MALRD1: variants seen among roughly 807,000 people sequenced by gnomAD.
MALRD1 encodes the protein MAM and LDL receptor class A domain containing 1.
In MALRD1, 247 loss-of-function variants were observed where a neutral mutation model predicts 242.1. The observed-to-expected ratio is 1.02, with a 90% CI of 0.92 to 1.13. MALRD1 has a LOEUF of 1.13. Ranked by LOEUF, MALRD1 falls within the 50% of genes most tolerant of loss-of-function variation. The pLI, the probability that MALRD1 is intolerant of heterozygous loss-of-function variation, is 0.00. For missense variants in MALRD1, 2,989 were observed against 2,533.1 expected (o/e 1.18, Z -3.86); for synonymous variants, 995 against 866.6 (o/e 1.15, Z -2.60).
chr10:19,110,728 C>T (rs1308418559), intron 5 of MALRD1, among the ~76,000 whole-genome samples: 2 of 152,116 alleles, frequency 1.3e-5, no homozygotes, highest in East Asian at 1.9e-4. Context: ...TTTAATGAGA[C>T]ATCTGGTTCT....
At chr10:19,172,356 A>G (rs1376792004) in intron 13 of MALRD1, among the ~76,000 whole-genome samples, 3 of 151,712 alleles carry the variant, frequency 2.0e-5, no homozygotes, top group African/African-American at 7.2e-5. Flanking sequence ...TAAAATTCGT[A>G]TGATTTTAAT....
At chr10:19,076,728 A>C (rs1485304086) in intron 2 of MALRD1, among the ~76,000 whole-genome samples, 2 of 151,454 alleles carry the variant, frequency 1.3e-5, no homozygotes, top group Non-Finnish European at 2.9e-5. Context: ...GGGAAGAGTA[A>C]GTCTTATAAT....
In MALRD1 at chr10:19,342,131, C is replaced by T. The variant is rs80201689; in HGVS notation, c.3902-5640C>T. Among the ~76,000 whole-genome samples the T allele has an allele frequency of 7.0e-3, 1,061 of 152,164 alleles. 40 individuals carry two copies. The East Asian group carries it at 0.1, about 15-fold the overall frequency. ...TATTTATTTATTATAGTAAGGTCGA[C>T]GTTCCATCTGAAACTTTTTATCATT... On this transcript the variant is annotated intron_variant, in intron 24 of 39. Coordinates refer to ENST00000454679, the MANE Select transcript of MALRD1 (RefSeq NM_001142308.3).
chr10:19,680,601 CTG>C (rs1399911945), intron 36 of MALRD1, among the ~76,000 whole-genome samples: 1 of 152,078 alleles, frequency 6.6e-6, no homozygotes, highest in African/African-American at 2.4e-5. Flanking sequence ...TCTTGCCATT[CTG>C]TGTCTTTTAA....
At chr10:19,689,730 G>A (rs1038574598) in intron 36 of MALRD1, among the ~76,000 whole-genome samples, 1 of 152,004 alleles carries the variant, frequency 6.6e-6, no homozygotes, top group South Asian at 2.1e-4. Flanking sequence ...CATGTTCCTG[G>A]TATGTCATTA....
intron 18 of MALRD1, among the ~76,000 whole-genome samples, chr10:19,242,249 G>T (rs1280012827): frequency 6.6e-6 from 1 of 152,144 alleles, no homozygotes. Flanking sequence ...AAAACCATCA[G>T]ATCTTGTTAG....
chr10:19,708,810 C>T lies in MALRD1; in HGVS notation c.6314+16256C>T, dbSNP rs1352328101. 5.0e-5 allele frequency among the ~76,000 whole-genome samples: 6 copies of T among 121,038 alleles called. 1 individual carries two copies. Among genetic ancestry groups the T allele is most frequent in the East Asian group, 2.6e-4 (1 of 3,864 alleles). 79.4% of individuals were successfully genotyped at this position (121,038 alleles called of 152,430 possible). ...CCGAGTACCTGGGACTACAGGCGCA[C>T]GCCACCACACCCAGCTAATTTTTGT... On this transcript the variant is annotated intron_variant, in intron 38 of 39. Coordinates refer to ENST00000454679, the MANE Select transcript of MALRD1 (RefSeq NM_001142308.3).
chr10:19,244,627 A>C (rs1838958357), intron 18 of MALRD1, among the ~76,000 whole-genome samples: 1 of 152,150 alleles, frequency 6.6e-6, no homozygotes, highest in South Asian at 2.1e-4. Context: ...AAACTAGGAG[A>C]GCTCCAAGGC....
intron 19 of MALRD1, among the ~76,000 whole-genome samples, chr10:19,264,151 A>C (rs1318943756): frequency 1.3e-5 from 2 of 152,164 alleles, no homozygotes; most frequent in African/African-American, 4.8e-5. Flanking sequence ...AAGGATGTTA[A>C]ATATTGTCAA....
chr10:19,109,700 T>A (rs1472229465), intron 5 of MALRD1, among the ~76,000 whole-genome samples: 1 of 152,180 alleles, frequency 6.6e-6, no homozygotes, highest in Non-Finnish European at 1.5e-5. Flanking sequence ...GATGGGGAGA[T>A]GCAGTGGCTA....
At chr10:19,602,163 T>C (rs1169574000) in intron 34 of MALRD1, among the ~76,000 whole-genome samples, 2 of 149,740 alleles carry the variant, frequency 1.3e-5, no homozygotes, top group East Asian at 2.0e-4. Flanking sequence ...TCTTTTTTTT[T>C]TTTTTTTTGT....
intron 4 of MALRD1, among the ~76,000 whole-genome samples, chr10:19,095,553 T>C (rs1016018252): frequency 6.6e-6 from 1 of 152,098 alleles, no homozygotes; most frequent in Non-Finnish European, 1.5e-5. Context: ...AAAGATTAAT[T>C]TGGGGCTCTT....
chr10:19,687,455 C>G (rs1013598773), intron 36 of MALRD1, among the ~76,000 whole-genome samples: 16 of 152,296 alleles, frequency 1.1e-4, no homozygotes, highest in Middle Eastern at 6.8e-3. Flanking sequence ...CTTCCCACAG[C>G]TGTGCCTAAA....
intron 31 of MALRD1, among the ~76,000 whole-genome samples, chr10:19,499,995 A>C (rs1564393855): frequency 6.6e-6 from 1 of 152,078 alleles, no homozygotes; most frequent in Non-Finnish European, 1.5e-5. Context: ...CTTTGATATG[A>C]TGGTGGATTT....
chr10:19,253,251 A>G (rs903289475), intron 18 of MALRD1, among the ~76,000 whole-genome samples: 1 of 152,002 alleles, frequency 6.6e-6, no homozygotes, highest in African/African-American at 2.4e-5. Flanking sequence ...TCATAGCTGA[A>G]TTGAAGAATA....
intron 38 of MALRD1, among the ~76,000 whole-genome samples, chr10:19,715,088 AT>A (rs1355207531): frequency 1.2e-4 from 18 of 152,088 alleles, no homozygotes; most frequent in Non-Finnish European, 5.9e-5. Flanking sequence ...TTGCTACGAA[AT>A]TTATTGCTCC....
intron 28 of MALRD1, among the ~76,000 whole-genome samples, chr10:19,447,376 T>A (rs969635960): frequency 1.3e-5 from 2 of 152,204 alleles, no homozygotes; most frequent in African/African-American, 4.8e-5. Context: ...ACAGCTAGTA[T>A]AGTAGAATGA....
chr10:19,454,488 G>A (rs1175737947), intron 29 of MALRD1, among the ~76,000 whole-genome samples: 1 of 140,438 alleles, frequency 7.1e-6, no homozygotes, highest in Admixed American at 7.3e-5. Flanking sequence ...TGGTAATACA[G>A]ATATTCCTGG....
chr10:19,231,265 C>T (rs2131696479), intron 18 of MALRD1, among the ~76,000 whole-genome samples: 1 of 152,258 alleles, frequency 6.6e-6, no homozygotes, highest in South Asian at 2.1e-4. Flanking sequence ...GTTGTGACTG[C>T]CTCACATCTC....
Sources: allele counts gnomAD v4.1 joint callset (sites outside exome capture counted in the v4.1 genomes callset), GRCh38; gene constraint gnomAD v4.1.1; transcripts MANE v1.5; gene names NCBI Gene and HGNC (gene_info 2026-07-23, HGNC 2026-07-21).